Variants in RABGAP1L observed in about 807,000 individuals in gnomAD.
RABGAP1L encodes the protein RAB GTPase activating protein 1 like, also known as rab GTPase-activating protein 1-like.
Under a neutral mutation model 137.7 loss-of-function variants are expected in RABGAP1L, and 63 were observed. The ratio of observed to expected loss-of-function variants is 0.46; its 90% confidence interval spans 0.37 to 0.56. The LOEUF (loss-of-function observed/expected upper bound fraction) is 0.56. Ranked by LOEUF, RABGAP1L falls within the 20% of genes least tolerant of loss-of-function variation. RABGAP1L has a pLI of 0.00. For missense variants in RABGAP1L, 1,095 were observed against 1,244.0 expected, an observed-to-expected ratio of 0.88 and a Z score of 1.80; for synonymous variants, 431 against 433.7, an observed-to-expected ratio of 0.99 and a Z score of 0.08.
chr1:174,666,416 G>T (rs1020031138), intron 14 of RABGAP1L, among the ~76,000 whole-genome samples: 1 of 152,132 alleles, frequency 6.6e-6, no homozygotes, highest in African/African-American at 2.4e-5. Flanking sequence ...TGAAAAAATC[G>T]TGACAGTTCA....
At chr1:174,737,231 T>G (rs77892083) in intron 17 of RABGAP1L, among the ~76,000 whole-genome samples, 4,340 of 152,216 alleles carry the variant, frequency 0.029, 230 homozygotes, top group African/African-American at 0.1. Context: ...CATATTTGAT[T>G]GTAGGTTGTT....
At chr1:174,397,197 T>C (rs1286481238) in intron 13 of RABGAP1L, among the ~76,000 whole-genome samples, 4 of 152,134 alleles carry the variant, frequency 2.6e-5, no homozygotes, top group African/African-American at 7.2e-5. Flanking sequence ...ATAAAATATA[T>C]GGAAGATACT....
chr1:174,766,924 G>C (rs1685712095), intron 18 of RABGAP1L, among the ~76,000 whole-genome samples: 1 of 152,148 alleles, frequency 6.6e-6, no homozygotes, highest in South Asian at 2.1e-4. Context: ...GCTATCTGGA[G>C]GCTTCACCTG....
intron 17 of RABGAP1L, among the ~76,000 whole-genome samples, chr1:174,740,312 A>G (rs1434755285): frequency 6.6e-6 from 1 of 152,134 alleles, no homozygotes; most frequent in Non-Finnish European, 1.5e-5. Flanking sequence ...ACATTTACCT[A>G]TATATAAATG....
intron 19 of RABGAP1L, among the ~76,000 whole-genome samples, chr1:174,930,309 C>T (rs1178550459): frequency 6.6e-6 from 1 of 151,550 alleles, no homozygotes; most frequent in Non-Finnish European, 1.5e-5. Context: ...GTGTATATAC[C>T]ACCACACCTA....
intron 12 of RABGAP1L, among the ~76,000 whole-genome samples, chr1:174,388,259 A>C (rs1686963545): frequency 6.6e-6 from 1 of 152,098 alleles, no homozygotes; most frequent in African/African-American, 2.4e-5. Flanking sequence ...CTTTTAAAAA[A>C]GCAAAACATG....
At chr1:174,227,161 T>A (rs1052454612) in intron 3 of RABGAP1L, among the ~76,000 whole-genome samples, 1 of 152,088 alleles carries the variant, frequency 6.6e-6, no homozygotes, top group Non-Finnish European at 1.5e-5. Flanking sequence ...CCTAAAATAT[T>A]TATCATATGA....
intron 1 of RABGAP1L, among the ~76,000 whole-genome samples, chr1:174,195,285 T>G (rs1667486210): frequency 6.6e-6 from 1 of 152,232 alleles, no homozygotes; most frequent in Non-Finnish European, 1.5e-5. Context: ...TATCCATTTC[T>G]CCTTTTTTCC....
At chr1:174,781,212 C>T (rs1686976598) in intron 18 of RABGAP1L, among the ~76,000 whole-genome samples, 2 of 152,164 alleles carry the variant, frequency 1.3e-5, no homozygotes, top group Admixed American at 1.3e-4. Context: ...CCTATTTCTC[C>T]ACATCCTCTC....
In RABGAP1L at chr1:174,258,363, C is replaced by A. The variant is rs571219059; in HGVS notation, c.986+5773C>A. On this transcript the variant is annotated intron_variant, in intron 7 of 25. Coordinates refer to ENST00000681986, the MANE Select transcript of RABGAP1L (RefSeq NM_001366446.1). ...GCAGTGGTGTGATCATGGCTTACTACATCTTTCATTGCCTAGGCTCAAGCG... is the reference window on the plus strand; with the variant it reads ...GCAGTGGTGTGATCATGGCTTACTAAATCTTTCATTGCCTAGGCTCAAGCG... Among the ~76,000 whole-genome samples the A allele has an allele frequency of 2.6e-5, 4 of 152,330 alleles. No homozygotes were observed. The East Asian group carries it at 5.8e-4, about 22-fold the overall frequency.
intron 14 of RABGAP1L, among the ~76,000 whole-genome samples, chr1:174,641,390 T>C (rs1300097796): frequency 6.6e-6 from 1 of 152,124 alleles, no homozygotes; most frequent in Non-Finnish European, 1.5e-5. Context: ...TCTTCTGTTG[T>C]CATTAATTTG....
chr1:174,387,964 AACT>A (rs1686937586), intron 12 of RABGAP1L, among the ~76,000 whole-genome samples: 1 of 152,092 alleles, frequency 6.6e-6, no homozygotes, highest in Non-Finnish European at 1.5e-5. Context: ...CAGAAGTATA[AACT>A]ACTATGTCTT....
At chr1:174,428,495 A>T (rs1209946693) in intron 13 of RABGAP1L, among the ~76,000 whole-genome samples, 2 of 152,204 alleles carry the variant, frequency 1.3e-5, no homozygotes, top group Non-Finnish European at 1.5e-5. Context: ...GAGATTTTCC[A>T]AACCTCAGTG....
rs1454370559 is a variant in RABGAP1L at position 174,424,811 on chromosome 1, T to G, written c.1710+30666T>G. 5.3e-5 allele frequency among the ~76,000 whole-genome samples: 8 copies of G among 152,072 alleles called. 1 individual carries two copies. The highest frequency in any genetic ancestry group is 5.2e-4 in the Admixed American group (8 of 15,266). The stretch of plus-strand genomic sequence containing the variant: ...ACATCATTCATGACACAATTTATAT[T>G]TTATTTGTGCACATGATTAACACTT... On this transcript the variant is annotated intron_variant, in intron 13 of 25. Coordinates refer to ENST00000681986, the MANE Select transcript of RABGAP1L (RefSeq NM_001366446.1).
intron 13 of RABGAP1L, chr1:174,548,129 A>G (rs1666171311): frequency 1.1e-5 from 16 of 1,515,044 alleles, no homozygotes; most frequent in South Asian, 3.8e-5. Flanking sequence ...AAGCAACTTT[A>G]TGGATCATTT....
At chr1:174,941,976 CAGT>C (rs549895078) in intron 19 of RABGAP1L, among the ~76,000 whole-genome samples, 39 of 152,288 alleles carry the variant, frequency 2.6e-4, no homozygotes, top group Non-Finnish European at 4.4e-4. Flanking sequence ...GTCTTGTACA[CAGT>C]AGATATTTAT....
At chr1:174,169,674 A>G (rs1665184735) in intron 1 of RABGAP1L, among the ~76,000 whole-genome samples, 1 of 151,980 alleles carries the variant, frequency 6.6e-6, no homozygotes, top group Non-Finnish European at 1.5e-5. Flanking sequence ...CTAAAGACAG[A>G]CCTTTAACAA....
intron 19 of RABGAP1L, among the ~76,000 whole-genome samples, chr1:174,871,669 C>T (rs1265873061): frequency 6.6e-6 from 1 of 152,142 alleles, no homozygotes; most frequent in African/African-American, 2.4e-5. Flanking sequence ...AACCTACCCT[C>T]TGATCTTATG....
chr1:174,647,161 A>G (rs961055794), intron 14 of RABGAP1L, among the ~76,000 whole-genome samples: 2 of 152,064 alleles, frequency 1.3e-5, no homozygotes, highest in Non-Finnish European at 2.9e-5. Context: ...AAACAGAGAA[A>G]ATTTGACTTC....
Sources: allele counts gnomAD v4.1 joint callset (sites outside exome capture counted in the v4.1 genomes callset), GRCh38; gene constraint gnomAD v4.1.1; transcripts MANE v1.5; gene names NCBI Gene and HGNC (gene_info 2026-07-23, HGNC 2026-07-21).